The following GCN1 variants were observed in gnomAD, a reference collection of about 807,000 sequenced individuals.
The protein encoded by GCN1 is GCN1 activator of EIF2AK4, also known as stalled ribosome sensor GCN1.
Under a neutral mutation model 288.4 loss-of-function variants are expected in GCN1, and 90 were observed. That is an observed-to-expected ratio of 0.31 (90% CI 0.26 to 0.37). GCN1 has a LOEUF of 0.37. Ranked by LOEUF, GCN1 falls within the 10% of genes least tolerant of loss-of-function variation. GCN1 has a pLI of 1.00. For missense variants in GCN1, 2,586 were observed against 3,419.9 expected (o/e 0.76, Z 6.08); for synonymous variants, 1,386 against 1,420.2 (o/e 0.98, Z 0.54).
At chr12:120,164,183 T>C (rs1430784459) in intron 18 of GCN1, among the ~76,000 whole-genome samples, 153 bp downstream of exon 18, 2 of 152,152 alleles carry the variant, frequency 1.3e-5, no homozygotes, top group East Asian at 3.8e-4. Flanking sequence ...CTATGAAAGA[T>C]GTTACTGGAG....
At position 120,159,991 on chromosome 12, in the gene GCN1, C is replaced by T; in HGVS notation, c.2583G>A (p.Leu861=). The T allele has an allele frequency of 5.0e-6, 8 of 1,614,158 alleles. No homozygotes were observed. Among genetic ancestry groups the T allele is most frequent in the Non-Finnish European group, 5.9e-6 (7 of 1,180,016 alleles). The change falls in exon 24 of 58, where the codon CTG becomes CTA. Residue 861 remains leucine (L), a synonymous_variant. Transcript: ENST00000300648. ...GGTTCTTGGCCAGGATGATGTCCAG[C>T]AGTCCAAGCGCCGCCTCCAGCTCCC... ...LDGELEAALG[L]LDIILAKNPS...
chr12:120,184,043 T>G, intron 4 of GCN1, 69 bp downstream of exon 4: 1 of 1,375,850 alleles, frequency 7.3e-7, no homozygotes, highest in Non-Finnish European at 1.0e-6. Flanking sequence ...TGGTGCACAG[T>G]CAACTGCATC....
intron 22 of GCN1, 76 bp downstream of exon 22, chr12:120,161,414 G>A: frequency 1.1e-6 from 1 of 873,398 alleles, no homozygotes; most frequent in Non-Finnish European, 2.0e-6. Context: ...AACAGCATAT[G>A]TGCAGTGGGA....
At chr12:120,133,366 G>A (rs1040069144) in intron 53 of GCN1, among the ~76,000 whole-genome samples, 2 of 152,212 alleles carry the variant, frequency 1.3e-5, no homozygotes, top group African/African-American at 4.8e-5. Context: ...TGGCCCCACA[G>A]TGCTCGCAGC....
chr12:120,194,271 C>T (rs1175854087), intron 1 of GCN1, among the ~76,000 whole-genome samples: 6 of 152,274 alleles, frequency 3.9e-5, no homozygotes, highest in Non-Finnish European at 7.3e-5. Context: ...AGACTACACT[C>T]AAAGTCCCTG....
intron 57 of GCN1, among the ~76,000 whole-genome samples, chr12:120,128,753 T>C (rs1239945705): frequency 6.6e-6 from 1 of 152,152 alleles, no homozygotes; most frequent in Non-Finnish European, 1.5e-5. Context: ...TGTGAGATTT[T>C]ATTTGAAGAA....
At chr12:120,171,047 A>AGGTT (rs1185147511) in intron 14 of GCN1, among the ~76,000 whole-genome samples, 6 of 149,570 alleles carry the variant, frequency 4.0e-5, no homozygotes, top group South Asian at 2.1e-4. Flanking sequence ...AGGCTGCAGC[A>AGGTT]GGAGAATCGC....
In GCN1 at chr12:120,162,012, C is replaced by T. The variant is rs199599369; in HGVS notation, c.2210G>A (p.Arg737Gln). ...GGTGCTGATGAGCTGTGGGAGGACC[C>T]GGTCCGGCGACAGGACGGAAAGGGA... ...MGSLSVLSPDRVLPQLISTIT... is the reference protein window; with the variant it reads ...MGSLSVLSPDQVLPQLISTIT... Residue 737 changes from arginine (R) to glutamine (Q), a missense_variant, in exon 21 of 58, where the codon CGG (arginine) becomes CAG (glutamine). This residue lies in a region of GCN1 where 913 missense variants were observed against 1,107.0 expected (regional missense o/e 0.82). Coordinates refer to ENST00000300648, the MANE Select transcript of GCN1 (RefSeq NM_006836.2). The T allele has an allele frequency of 9.2e-5, 148 of 1,613,694 alleles. No homozygotes were observed. Among genetic ancestry groups the T allele is most frequent in the Admixed American group, 4.2e-4 (25 of 60,026 alleles).
Position 120,144,274 on chromosome 12 carries a change from T to A in GCN1, c.5495+32A>T. The A allele has an allele frequency of 6.2e-7, 1 of 1,613,246 alleles. No homozygotes were observed. Among genetic ancestry groups the A allele is most frequent in the Non-Finnish European group, 8.5e-7 (1 of 1,179,228 alleles). Reference sequence around the variant, plus strand: ...TATAGGCATGAGCCACCACGCATCATCCCCACTGGGTCTTTCTGCCCAAGT... The same window carrying A: ...TATAGGCATGAGCCACCACGCATCAACCCCACTGGGTCTTTCTGCCCAAGT... On this transcript the variant is annotated intron_variant, in intron 42 of 57. Transcript: ENST00000300648. This position sits in a 1 kb window ranked among gnomAD's most constrained non-coding sequence, Gnocchi z 4.7.
intron 1 of GCN1, 150 bp downstream of exon 1, chr12:120,194,530 G>T: frequency 1.3e-6 from 1 of 778,680 alleles, no homozygotes; most frequent in East Asian, 3.4e-5. Context: ...CCGCAGCCCT[G>T]AGAGTCCAGC....
intron 9 of GCN1, among the ~76,000 whole-genome samples, 182 bp downstream of exon 9, chr12:120,177,265 G>A (rs148170443): frequency 3.3e-5 from 5 of 152,254 alleles, no homozygotes; most frequent in African/African-American, 9.6e-5. Flanking sequence ...GAGCCAATGC[G>A]TCTGGCTTTC....
chr12:120,149,902 C>T lies in GCN1; in HGVS notation c.4431+20G>A, dbSNP rs374139459. The T allele has an allele frequency of 2.2e-5, 36 of 1,613,966 alleles. 1 individual carries two copies. The highest frequency in any genetic ancestry group is 1.8e-4 in the Admixed American group (11 of 60,016). On this transcript the variant is annotated intron_variant, in intron 35 of 57. Transcript: ENST00000300648. The stretch of plus-strand genomic sequence containing the variant: ...TCATAAAGTTTCCATGCTGTTCTCC[C>T]GAGCAGTCCGGGGACTTACCTCACG...
chr12:120,175,959 T>C, intron 10 of GCN1, 85 bp from the exon 11 acceptor site: 8 of 1,495,192 alleles, frequency 5.4e-6, no homozygotes, highest in Non-Finnish European at 1.8e-6. Flanking sequence ...CCCCCATCTC[T>C]TCAGTATTAG....
At chr12:120,167,328 A>T (rs1265563205) in intron 16 of GCN1, among the ~76,000 whole-genome samples, 1 of 146,938 alleles carries the variant, frequency 6.8e-6, no homozygotes, top group Non-Finnish European at 1.5e-5. Context: ...CTCCAGCCTG[A>T]GCAATAAGAA....
intron 51 of GCN1, among the ~76,000 whole-genome samples, chr12:120,135,795 T>C (rs1184328653): frequency 6.6e-6 from 1 of 151,898 alleles, no homozygotes; most frequent in East Asian, 1.9e-4. Flanking sequence ...AGCTGGTAAA[T>C]CTGAGCTGTG....
Position 120,127,925 on chromosome 12 carries a change from A to G in GCN1, c.7940T>C (p.Val2647Ala). Reference protein sequence around the residue: ...DVASLEVLNEVNRRSLKKLAS... With the variant: ...DVASLEVLNEANRRSLKKLAS... ...CAGCTTCTTCAGGGACCTTCGGTTA[A>G]CCTCGTTCAGCACCTCCAAACTGGC... Residue 2647 changes from valine to alanine, a missense_variant, in exon 58 of 58, where the codon GTT (valine) becomes GCT (alanine). Transcript: ENST00000300648. 1 of 1,614,078 alleles carries G rather than the reference A, an allele frequency of 6.2e-7. No homozygotes were observed. Among genetic ancestry groups the G allele is most frequent in the Non-Finnish European group, 8.5e-7 (1 of 1,179,982 alleles).
intron 5 of GCN1, among the ~76,000 whole-genome samples, chr12:120,182,957 TCCTCATGACCTACACTAAAAAACC>T (rs1878712315): frequency 1.4e-5 from 2 of 145,974 alleles, no homozygotes; most frequent in Non-Finnish European, 3.0e-5. Flanking sequence ...AAAAAACTAC[TCCTCATGACCTACACTAAAAAACC>T]ACTCCTCATG....
chr12:120,155,827 C>G lies in GCN1; in HGVS notation c.3313-108G>C. 2.0e-6 allele frequency: 2 copies of G among 985,728 alleles called. No homozygotes were observed. Among genetic ancestry groups the G allele is most frequent in the Admixed American group, 2.2e-5 (1 of 46,422 alleles). The allele number at this position is 985,728 out of a possible 1,614,324, so 61.1% of individuals were successfully genotyped here. On this transcript the variant is annotated intron_variant, in intron 28 of 57. Coordinates refer to ENST00000300648, the MANE Select transcript of GCN1 (RefSeq NM_006836.2). This position sits in a 1 kb window ranked among gnomAD's most constrained non-coding sequence, Gnocchi z 4.9. ...TACTGTCCAAGATGTAGCCACTAAC[C>G]GCATGTGGCTAAAGTTAAATCAATT...
Position 120,156,754 on chromosome 12 carries a change from C to A in GCN1, c.3169-150G>T. On this transcript the variant is annotated intron_variant, in intron 27 of 57. Transcript: ENST00000300648. The surrounding 1 kb of genome is among the most constrained non-coding windows in gnomAD (Gnocchi z 5.8). ...GGCAGGACCCAAGCAAAACCCCTCA[C>A]TAGCTAACAACAGTCAGGCTGGCTC... 1.1e-6 allele frequency: 1 copy of A among 941,704 alleles called. No individual in the cohort carries two copies. The highest frequency in any genetic ancestry group is 1.7e-6 in the Non-Finnish European group (1 of 604,678). The allele number at this position is 941,704 out of a possible 1,614,324, so 58.3% of individuals were successfully genotyped here.
Sources: allele counts gnomAD v4.1 joint callset (sites outside exome capture counted in the v4.1 genomes callset), GRCh38; gene constraint gnomAD v4.1.1; regional missense constraint gnomAD v4.1.1; non-coding constraint Gnocchi (gnomAD v3.1); transcripts MANE v1.5; gene names NCBI Gene and HGNC (gene_info 2026-07-23, HGNC 2026-07-21).